The following GALNT2 variants were observed in gnomAD, a reference collection of about 807,000 sequenced individuals.
GALNT2 encodes the protein UDP-GalNAc:polypeptide N-acetylgalactosaminyltransferase 2.
In GALNT2, 31 loss-of-function variants were observed where a neutral mutation model predicts 81.4. The ratio of observed to expected loss-of-function variants is 0.38; its 90% CI spans 0.29 to 0.51. GALNT2 has a LOEUF of 0.51. Among genes scored for constraint, GALNT2 ranks in the 20% least tolerant of loss-of-function variants. GALNT2 has a pLI of 0.87. For missense variants in GALNT2, 629 were observed against 765.7 expected (o/e 0.82, Z 2.11); for synonymous variants, 303 against 287.4 (o/e 1.05, Z -0.55).
chr1:230,151,613 C>T (rs1473936937), intron 1 of GALNT2, among the ~76,000 whole-genome samples: 1 of 152,122 alleles, frequency 6.6e-6, no homozygotes, highest in Non-Finnish European at 1.5e-5. Flanking sequence ...TCCCTGTGCC[C>T]ACCACGTAAG....
intron 1 of GALNT2, among the ~76,000 whole-genome samples, chr1:230,163,988 C>T (rs368611489): frequency 1.3e-5 from 2 of 152,226 alleles, no homozygotes; most frequent in African/African-American, 4.8e-5. Flanking sequence ...ACTGGATACA[C>T]TGCCTGTTAG....
chr1:230,111,083 G>A (rs1170221988), intron 1 of GALNT2, among the ~76,000 whole-genome samples: 2 of 152,360 alleles, frequency 1.3e-5, no homozygotes, highest in Middle Eastern at 3.4e-3. Flanking sequence ...TGTACACACT[G>A]CATGTGTCTG....
At chr1:230,069,353 G>A (rs1031134997) in intron 1 of GALNT2, among the ~76,000 whole-genome samples, 2 of 152,036 alleles carry the variant, frequency 1.3e-5, no homozygotes, top group Non-Finnish European at 2.9e-5. Flanking sequence ...AGAAAAAGTG[G>A]GGGAAATGAA....
intron 2 of GALNT2, among the ~76,000 whole-genome samples, chr1:230,178,684 C>T (rs890674786): frequency 6.6e-6 from 1 of 152,072 alleles, no homozygotes; most frequent in Admixed American, 6.5e-5. Flanking sequence ...ACCCCCACCC[C>T]CAACACACAT....
intron 3 of GALNT2, among the ~76,000 whole-genome samples, chr1:230,203,868 A>G (rs763760251): frequency 1.3e-5 from 2 of 152,200 alleles, no homozygotes; most frequent in African/African-American, 2.4e-5. Context: ...TCTATCACCC[A>G]GGTTGGAATG....
rs72647717 is a variant in GALNT2, at chr1:230,281,022, A to G, written c.*1564A>G. On this transcript the variant is annotated 3_prime_UTR_variant, in exon 16 of 16. Transcript: ENST00000366672. ...CGCACACACAGATGCTCAGTCTCAG[A>G]GAGGCTGGCACGGCCTGGCAGTCTG... 7.8e-3 allele frequency: 1,185 copies of G among 152,280 alleles called. 8 individuals are homozygous for G. Among genetic ancestry groups the G allele is most frequent in the Middle Eastern group, 0.014 (4 of 296 alleles). 9.4% of individuals were successfully genotyped at this position (152,280 alleles called of 1,614,324 possible). A position where few individuals can be genotyped will look rare whatever the true frequency, so the allele number is the denominator to read the frequency against.
rs1279697510 is a variant in GALNT2 at position 230,243,307 on chromosome 1, C to T, written c.609C>T (p.Gly203=). 3 of 1,603,498 alleles carry T rather than the reference C, an allele frequency of 1.9e-6. No homozygotes were observed. The highest frequency in any genetic ancestry group is 2.5e-6 in the Non-Finnish European group (3 of 1,178,208). ...VRVLRNDRRE[G]LMRSRVRGAD... is the part of the protein sequence containing the mutation. ...GTGCTTTCCAACTCGCCTCTGCAGGCCTCATGCGCTCACGGGTTCGGGGGG... is the reference window on the plus strand; with the variant it reads ...GTGCTTTCCAACTCGCCTCTGCAGGTCTCATGCGCTCACGGGTTCGGGGGG... Residue 203 remains glycine (G), a splice_region_variant and synonymous_variant, in exon 7 of 16, where the codon GGC becomes GGT. Coordinates refer to ENST00000366672, the MANE Select transcript of GALNT2 (RefSeq NM_004481.5). The surrounding 1 kb of genome is among the most constrained non-coding windows in gnomAD (Gnocchi z 4.2).
At chr1:230,258,312 C>A (rs1464447759) in intron 11 of GALNT2, among the ~76,000 whole-genome samples, 1 of 151,880 alleles carries the variant, frequency 6.6e-6, no homozygotes, top group African/African-American at 2.4e-5. Context: ...TCACCACAAC[C>A]TCCACCTCCC....
intron 3 of GALNT2, among the ~76,000 whole-genome samples, chr1:230,206,477 A>G (rs1217185760): frequency 2.0e-5 from 3 of 152,218 alleles, no homozygotes; most frequent in Admixed American, 1.3e-4. Flanking sequence ...TCCATAGTCA[A>G]TTGGATGCCT....
chr1:230,064,821 C>A (rs1659133405), upstream of GALNT2, among the ~76,000 whole-genome samples: 1 of 152,170 alleles, frequency 6.6e-6, no homozygotes, highest in Non-Finnish European at 1.5e-5. Flanking sequence ...CTGCCTGGCA[C>A]TTTTGTTCCT....
At chr1:230,067,600 C>A (rs1477767192) in intron 1 of GALNT2, among the ~76,000 whole-genome samples, 194 bp downstream of exon 1, 1 of 151,980 alleles carries the variant, frequency 6.6e-6, no homozygotes, top group Non-Finnish European at 1.5e-5. Flanking sequence ...ACGCCGGGCT[C>A]CGAAAGGGCG....
In GALNT2 at chr1:230,249,190, A is replaced by T; in HGVS notation, c.824A>T (p.Asp275Val). Reference sequence around the variant, plus strand: ...TTCTTTTCCTGGCTGGCAGGTTTTGATTGGAACTTGGTATTCAAGTGGGAT... The same window carrying T: ...TTCTTTTCCTGGCTGGCAGGTTTTGTTTGGAACTTGGTATTCAAGTGGGAT... The part of the protein sequence containing the change: ...GASADLKGGF[D>V]WNLVFKWDYM... The change falls in exon 9 of 16, where the codon GAT (aspartate) becomes GTT (valine). Residue 275 changes from aspartate to valine, a missense_variant. This residue lies in a region of GALNT2 where 360 missense variants were observed against 492.8 expected (regional missense o/e 0.73). Transcript: ENST00000366672. The T allele has an allele frequency of 6.2e-7, 1 of 1,614,016 alleles. No homozygotes were observed. Among genetic ancestry groups the T allele is most frequent in the Non-Finnish European group, 8.5e-7 (1 of 1,179,968 alleles).
At chr1:230,065,919 G>A (rs1049851091), upstream of GALNT2, among the ~76,000 whole-genome samples, 1 of 152,148 alleles carries the variant, frequency 6.6e-6, no homozygotes, top group South Asian at 2.1e-4. Flanking sequence ...CTCTTCCCTT[G>A]ATCAATAAGG....
chr1:230,101,726 T>G (rs2102778590), intron 1 of GALNT2, among the ~76,000 whole-genome samples: 1 of 152,350 alleles, frequency 6.6e-6, no homozygotes, highest in South Asian at 2.1e-4. Context: ...TATGACAGAT[T>G]ACTGTTCCTG....
intron 1 of GALNT2, among the ~76,000 whole-genome samples, chr1:230,161,409 T>G (rs1572034883): frequency 6.6e-6 from 1 of 152,216 alleles, no homozygotes; most frequent in African/African-American, 2.4e-5. Flanking sequence ...TGGCATCCAA[T>G]TGGCCAAAGC....
intron 1 of GALNT2, among the ~76,000 whole-genome samples, chr1:230,174,263 C>A (rs1201008165): frequency 1.3e-5 from 2 of 152,132 alleles, no homozygotes; most frequent in Non-Finnish European, 2.9e-5. Context: ...ACGTGTCATG[C>A]GGGGTCTCCT....
chr1:230,092,091 T>G (rs576325326), intron 1 of GALNT2: 1 of 152,202 alleles, frequency 6.6e-6, no homozygotes, highest in Non-Finnish European at 1.5e-5. Flanking sequence ...ACTTTCAACA[T>G]TCTTTAGTAA....
At chr1:230,172,456 G>C (rs2102858437) in intron 1 of GALNT2, among the ~76,000 whole-genome samples, 1 of 152,358 alleles carries the variant, frequency 6.6e-6, no homozygotes, top group South Asian at 2.1e-4. Flanking sequence ...CTCAGACACT[G>C]TGTGAGGTAA....
chr1:230,236,646 T>C lies in GALNT2; in HGVS notation c.542-14T>C, dbSNP rs773280149. On this transcript the variant is annotated splice_polypyrimidine_tract_variant and intron_variant, in intron 5 of 15. Transcript: ENST00000366672. ...CTCCAGGTTCAAAATGCTCTGCTTC[T>C]TTTCTTTTCCTAGCTGAGGACGGGG... is the stretch of plus-strand genomic sequence containing the variant. 1.9e-4 allele frequency: 313 copies of C among 1,607,272 alleles called. No homozygotes were observed. The highest frequency in any genetic ancestry group is 2.5e-4 in the Non-Finnish European group (298 of 1,178,314).
Sources: allele counts gnomAD v4.1 joint callset (sites outside exome capture counted in the v4.1 genomes callset), GRCh38; gene constraint gnomAD v4.1.1; regional missense constraint gnomAD v4.1.1; non-coding constraint Gnocchi (gnomAD v3.1); transcripts MANE v1.5; gene names NCBI Gene and HGNC (gene_info 2026-07-23, HGNC 2026-07-21).